Variants in TENM4 observed in about 807,000 individuals in gnomAD.
The protein encoded by TENM4 is teneurin-4.
A neutral mutation model predicts 243.3 loss-of-function variants in TENM4; 82 were observed. The observed-to-expected ratio is 0.34, with a 90% confidence interval of 0.28 to 0.40. TENM4 has a LOEUF of 0.40. Among genes scored for constraint, TENM4 ranks in the 10% least tolerant of loss-of-function variants. The pLI, the probability that TENM4 is intolerant of heterozygous loss-of-function variation, is 1.00. For synonymous variants in TENM4, 1,412 were observed against 1,456.3 expected (o/e 0.97, Z 0.69); for missense variants, 3,138 against 3,673.3 (o/e 0.85, Z 3.77).
chr11:78,750,469 T>C lies in TENM4; in HGVS notation c.2756+6336A>G, dbSNP rs542325654. On this transcript the variant is annotated intron_variant, in intron 19 of 33. Coordinates refer to ENST00000278550, the MANE Select transcript of TENM4 (RefSeq NM_001098816.3). ...ATCTCCTGCCAGAAGTCTTCATTTG[T>C]TCATTTGTTTTCAACAGCAAACTTT... Among the ~76,000 whole-genome samples, 7 of 152,344 alleles carry C rather than the reference T, an allele frequency of 4.6e-5. 1 individual carries two copies. Among genetic ancestry groups the C allele is most frequent in the East Asian group, 3.9e-4 (2 of 5,186 alleles).
At chr11:79,044,349 C>T (rs1859608417) in intron 6 of TENM4, among the ~76,000 whole-genome samples, 1 of 152,160 alleles carries the variant, frequency 6.6e-6, no homozygotes, top group Non-Finnish European at 1.5e-5. Flanking sequence ...AAACATCTAG[C>T]AGGCCAAATC....
In TENM4 at chr11:79,209,071, T is replaced by G. The variant is rs994076155; in HGVS notation, c.-163+6737A>C. On this transcript the variant is annotated intron_variant, in intron 3 of 33. Transcript: ENST00000278550. ...AGCGAGCCCAATGTTTGGGAGGATTTGGTAATTGAATCCACCAAGGATAAT... is the reference window on the plus strand; with the variant it reads ...AGCGAGCCCAATGTTTGGGAGGATTGGGTAATTGAATCCACCAAGGATAAT... Among the ~76,000 whole-genome samples, 7 of 152,180 alleles carry G rather than the reference T, an allele frequency of 4.6e-5. No individual in the cohort carries two copies. In the East Asian group the frequency reaches 1.2e-3, roughly 25 times the overall value.
chr11:79,047,115 T>C (rs1483078871), intron 6 of TENM4, among the ~76,000 whole-genome samples: 1 of 152,198 alleles, frequency 6.6e-6, no homozygotes, highest in African/African-American at 2.4e-5. Context: ...TAATACTTAA[T>C]TAAAAGTAAC....
At chr11:78,954,990 C>A (rs574741407) in intron 6 of TENM4, among the ~76,000 whole-genome samples, 19 of 152,328 alleles carry the variant, frequency 1.2e-4, no homozygotes, top group African/African-American at 4.6e-4. Flanking sequence ...CAGGCCTGTG[C>A]CTCTCTGTAA....
intron 12 of TENM4, among the ~76,000 whole-genome samples, chr11:78,849,915 T>C (rs1858492188): frequency 6.6e-6 from 1 of 152,180 alleles, no homozygotes; most frequent in Non-Finnish European, 1.5e-5. Flanking sequence ...TATTCAACAT[T>C]CTGGGGTCAG....
intron 6 of TENM4, among the ~76,000 whole-genome samples, chr11:78,936,787 T>C (rs1202873608): frequency 6.6e-6 from 1 of 152,220 alleles, no homozygotes; most frequent in East Asian, 1.9e-4. Context: ...CATCCTGTAC[T>C]ATTGCTAACG....
intron 3 of TENM4, among the ~76,000 whole-genome samples, chr11:79,177,411 T>C (rs1220074068): frequency 2.6e-5 from 4 of 152,070 alleles, no homozygotes; most frequent in Admixed American, 6.6e-5. Flanking sequence ...TCCTTTTCCC[T>C]TTCCTCTTCT....
Position 78,670,549 on chromosome 11 carries a change from G to T in TENM4, c.5796C>A (p.Ser1932=). 3 of 1,597,444 alleles carry T rather than the reference G, an allele frequency of 1.9e-6. No individual in the cohort carries two copies. Among genetic ancestry groups the T allele is most frequent in the Non-Finnish European group, 2.6e-6 (3 of 1,170,974 alleles). Reference sequence around the variant, plus strand: ...TCTGGCTGTGTAGTAGCAGCACCATGGACTGGAGGGAGAGGAAAACCAAGA... The same window carrying T: ...TCTGGCTGTGTAGTAGCAGCACCATTGACTGGAGGGAGAGGAAAACCAAGA... ...KTWSYTYLEK[S]MVLLLHSQRQ... Residue 1932 remains serine, a splice_region_variant and synonymous_variant, in exon 32 of 34, where the codon TCC becomes TCA. Transcript: ENST00000278550.
rs536747454 is a variant in TENM4 at position 78,726,174 on chromosome 11, T to C, written c.3455A>G (p.Glu1152Gly). 6.8e-6 allele frequency: 11 copies of C among 1,613,982 alleles called. No homozygotes were observed. The East Asian group carries it at 2.0e-4, about 29-fold the overall frequency. The change falls in exon 23 of 34, where the codon GAA becomes GGA. Residue 1152 changes from glutamate (E) to glycine (G), a missense_variant. Physicochemically the swap from Glu to Gly is moderately conservative, Grantham distance 98 (BLOSUM62 -2). Transcript: ENST00000278550. Reference sequence around the variant, plus strand: ...GCCCTGCAGCACTGTTGTTCTTTTTTCCCACAGGATTAGATCTGGGCAGGA... The same window carrying C: ...GCCCTGCAGCACTGTTGTTCTTTTTCCCCACAGGATTAGATCTGGGCAGGA... ...YESCPDLILWEKRTTVLQGYE... is the reference protein window; with the variant it reads ...YESCPDLILWGKRTTVLQGYE...
At chr11:79,164,529 CTATAT>C (rs1340038274) in intron 3 of TENM4, among the ~76,000 whole-genome samples, 1 of 134,930 alleles carries the variant, frequency 7.4e-6, no homozygotes, top group African/African-American at 2.8e-5. Flanking sequence ...TATATATATA[CTATAT>C]AGTACTATAT....
intron 6 of TENM4, among the ~76,000 whole-genome samples, chr11:78,984,268 C>T (rs1857869885): frequency 6.6e-6 from 1 of 152,110 alleles, no homozygotes; most frequent in Admixed American, 6.5e-5. Flanking sequence ...TTAGAGTATC[C>T]TAAATGAAGC....
At chr11:79,013,312 T>A (rs2136763071) in intron 6 of TENM4, among the ~76,000 whole-genome samples, 1 of 152,318 alleles carries the variant, frequency 6.6e-6, no homozygotes, top group South Asian at 2.1e-4. Context: ...ATCTTACCTA[T>A]CTTTCCAGAT....
At chr11:78,904,264 G>C (rs945083295) in intron 6 of TENM4, among the ~76,000 whole-genome samples, 4 of 150,916 alleles carry the variant, frequency 2.7e-5, no homozygotes, top group Non-Finnish European at 5.9e-5. Context: ...GGAGGCTGGG[G>C]CAGGAGAATG....
intron 5 of TENM4, chr11:79,068,476 T>A (rs1591258087): frequency 6.6e-6 from 1 of 152,228 alleles, no homozygotes; most frequent in Non-Finnish European, 1.5e-5. Flanking sequence ...AGAATGGAAA[T>A]GAAGAGGTCA....
At chr11:78,707,209 G>A (rs1859278087) in intron 27 of TENM4, among the ~76,000 whole-genome samples, 1 of 152,246 alleles carries the variant, frequency 6.6e-6, no homozygotes, top group African/African-American at 2.4e-5. Context: ...AAATCAATTT[G>A]CAATTTGATG....
chr11:78,671,104 C>T (rs140454379), intron 31 of TENM4, among the ~76,000 whole-genome samples: 368 of 152,288 alleles, frequency 2.4e-3, no homozygotes, highest in African/African-American at 8.6e-3. Context: ...GCACGAAGAC[C>T]ATATTTGAGA....
chr11:79,297,826 T>C (rs1337348756), intron 1 of TENM4, among the ~76,000 whole-genome samples: 1 of 152,034 alleles, frequency 6.6e-6, no homozygotes, highest in Non-Finnish European at 1.5e-5. Context: ...TTATTTTTCA[T>C]AGATGTCAAA....
rs141767551 is a variant in TENM4 at position 78,854,091 on chromosome 11, G to C, written c.1681+13C>G. 1.9e-4 allele frequency: 298 copies of C among 1,550,354 alleles called. 1 individual carries two copies. The African/African-American group carries it at 3.7e-3, about 19-fold the overall frequency. ...CAATATCCCACAGCCCCCAGAGGGT[G>C]TGGCTCCCTTACCAATGGCAGTGGT... On this transcript the variant is annotated intron_variant, in intron 12 of 33. Coordinates refer to ENST00000278550, the MANE Select transcript of TENM4 (RefSeq NM_001098816.3).
At chr11:78,842,189 C>T (rs1294370830) in intron 12 of TENM4, among the ~76,000 whole-genome samples, 1 of 152,226 alleles carries the variant, frequency 6.6e-6, no homozygotes, top group Non-Finnish European at 1.5e-5. Context: ...AGCTCAACAA[C>T]TAACTTCCCC....
Sources: allele counts gnomAD v4.1 joint callset (sites outside exome capture counted in the v4.1 genomes callset), GRCh38; gene constraint gnomAD v4.1.1; transcripts MANE v1.5; gene names NCBI Gene and HGNC (gene_info 2026-07-23, HGNC 2026-07-21).